The following MAST2 variants were observed in gnomAD, a reference collection of about 807,000 sequenced individuals.
MAST2 encodes microtubule-associated serine/threonine-protein kinase 2.
A neutral mutation model predicts 147.4 loss-of-function variants in MAST2; 70 were observed. The ratio of observed to expected loss-of-function variants is 0.47; its 90% CI spans 0.39 to 0.58. The LOEUF (loss-of-function observed/expected upper bound fraction) is 0.58, where lower values mean the gene tolerates loss of function less well. MAST2 is among the 20% of genes least tolerant of loss of function. The pLI is 0.00. For missense variants in MAST2, 2,080 were observed against 2,302.3 expected, an observed-to-expected ratio of 0.90 and a Z score of 1.98; for synonymous variants, 869 against 896.8, an observed-to-expected ratio of 0.97 and a Z score of 0.55.
chr1:45,888,923 C>T (rs6693336), intron 4 of MAST2, among the ~76,000 whole-genome samples: 51,555 of 151,204 alleles, frequency 0.34, 9,181 homozygotes, highest in African/African-American at 0.44. Flanking sequence ...ATCATCCATC[C>T]GCCTCGGCCT....
chr1:46,033,764 G>T, intron 26 of MAST2, 38 bp from the exon 27 acceptor site: 1 of 1,602,346 alleles, frequency 6.2e-7, no homozygotes, highest in East Asian at 2.2e-5. Flanking sequence ...CAAGAATATG[G>T]CTCCAGCTTA....
At chr1:45,817,547 A>G (rs1644493555) in intron 1 of MAST2, among the ~76,000 whole-genome samples, 1 of 152,230 alleles carries the variant, frequency 6.6e-6, no homozygotes, top group East Asian at 1.9e-4. Flanking sequence ...AATTTCATCA[A>G]CACCAGACCT....
chr1:45,926,568 C>T (rs559121744), intron 4 of MAST2, among the ~76,000 whole-genome samples: 156 of 152,256 alleles, frequency 1.0e-3, no homozygotes, highest in African/African-American at 3.4e-3. Flanking sequence ...AGGACATGGA[C>T]TGAAATGAAA....
At position 46,023,772 on chromosome 1, in the gene MAST2, G is replaced by T; in HGVS notation, c.1572G>T (p.Gly524=). The change falls in exon 15 of 29, where the codon GGG becomes GGT. Residue 524 remains glycine, a splice_region_variant and synonymous_variant. Transcript: ENST00000361297. This position sits in a 1 kb window ranked among gnomAD's most constrained non-coding sequence, Gnocchi z 4.9. ...GGATGGGCCGGACTTTGTTTCCCAG[G>T]GCTGTATTTCTGGTGCGGCACAAGT... The part of the protein sequence containing the change: ...TIKLISNGAY[G]AVFLVRHKST... 1 of 1,613,764 alleles carries T rather than the reference G, an allele frequency of 6.2e-7. No homozygotes were observed. The highest frequency in any genetic ancestry group is 1.1e-5 in the South Asian group (1 of 91,034).
chr1:45,840,400 G>T (rs1227395084), intron 3 of MAST2, among the ~76,000 whole-genome samples: 1 of 151,996 alleles, frequency 6.6e-6, no homozygotes, highest in Non-Finnish European at 1.5e-5. Flanking sequence ...TGAAATCATT[G>T]TGAATGCCTT....
In MAST2 at chr1:45,987,618, A is replaced by G. The variant is rs190148004; in HGVS notation, c.593-10106A>G. 3.9e-5 allele frequency among the ~76,000 whole-genome samples: 6 copies of G among 152,042 alleles called. No homozygotes were observed. In the East Asian group the frequency reaches 7.7e-4, roughly 20 times the overall value. On this transcript the variant is annotated intron_variant, in intron 5 of 28. Transcript: ENST00000361297. ...TTAGCCACTATGCCTGGCGTTGTGT[A>G]TGGTTTTATACATTTTCTCTCTTGT...
At position 46,034,696 on chromosome 1, in the gene MAST2, C is replaced by G; in HGVS notation, c.4027C>G (p.Leu1343Val). ...GCGCAAGTCAGCAGGCAGCATCCCA[C>G]TGTCACCACTGGCCCACACCCCTTC... ...PRRKSAGSIP[L>V]SPLAHTPSPP... The change falls in exon 29 of 29, where the codon CTG becomes GTG. Residue 1343 changes from leucine (L) to valine (V), a missense_variant. By Grantham distance (32) the Leu-to-Val change is conservative (BLOSUM62 1). Around this residue, in one of 4 missense-constraint regions of MAST2, gnomAD observed 1,278 missense variants for 1,304.2 expected, o/e 0.98. Coordinates refer to ENST00000361297, the MANE Select transcript of MAST2 (RefSeq NM_015112.3). 2.5e-6 allele frequency: 4 copies of G among 1,614,206 alleles called. No individual in the cohort carries two copies. The highest frequency in any genetic ancestry group is 3.4e-6 in the Non-Finnish European group (4 of 1,180,032).
At chr1:45,896,862 A>T (rs924087850) in intron 4 of MAST2, among the ~76,000 whole-genome samples, 1 of 152,204 alleles carries the variant, frequency 6.6e-6, no homozygotes, top group African/African-American at 2.4e-5. Context: ...ATATTGTATG[A>T]ATGTCTCCCA....
At chr1:45,825,094 C>T (rs902832777) in intron 2 of MAST2, among the ~76,000 whole-genome samples, 7 of 151,884 alleles carry the variant, frequency 4.6e-5, no homozygotes, top group East Asian at 3.9e-4. Context: ...GGTGTGATCT[C>T]GGCTCACTGC....
intron 3 of MAST2, among the ~76,000 whole-genome samples, chr1:45,859,343 G>A (rs1418677095): frequency 2.6e-5 from 4 of 152,078 alleles, no homozygotes; most frequent in African/African-American, 4.8e-5. Context: ...CAAGTGATCC[G>A]CCAGCCTTTG....
chr1:46,010,579 A>G (rs1645671999), intron 9 of MAST2, 151 bp from the exon 10 acceptor site: 1 of 634,836 alleles, frequency 1.6e-6, no homozygotes. Context: ...TGATCTATTA[A>G]TGTCTTCAGT....
chr1:46,032,663 A>G lies in MAST2; in HGVS notation c.3482A>G (p.Asn1161Ser), dbSNP rs371524281. 280 of 1,614,208 alleles carry G rather than the reference A, an allele frequency of 1.7e-4. No individual in the cohort carries two copies. Among genetic ancestry groups the G allele is most frequent in the African/African-American group, 3.6e-4 (27 of 75,052 alleles). The stretch of plus-strand genomic sequence containing the variant: ...CAAGGTGACCTCATCACCCATGTCA[A>G]TGGGGAACCTGTGCATGGCCTGGTG... ...LRQGDLITHV[N>S]GEPVHGLVHT... The change falls in exon 26 of 29, where the codon AAT becomes AGT. Residue 1161 changes from asparagine (N) to serine (S), a missense_variant. Transcript: ENST00000361297.
chr1:46,014,396 A>T (rs58888694), intron 10 of MAST2, among the ~76,000 whole-genome samples: 5 of 133,764 alleles, frequency 3.7e-5, no homozygotes, highest in East Asian at 4.6e-4. Context: ...TCATTGTTCA[A>T]TTCCCACCTA....
At chr1:45,939,666 A>C (rs1656874101) in intron 4 of MAST2, among the ~76,000 whole-genome samples, 1 of 151,854 alleles carries the variant, frequency 6.6e-6, no homozygotes, top group Admixed American at 6.6e-5. Flanking sequence ...TCAGCCTCCC[A>C]AGCAGTGGGA....
chr1:45,902,715 T>G (rs1363720526), intron 4 of MAST2, among the ~76,000 whole-genome samples: 3 of 152,068 alleles, frequency 2.0e-5, no homozygotes, highest in Admixed American at 1.3e-4. Context: ...TCTTAAGAGT[T>G]TGTGTGTTTT....
rs866910710 is a variant in MAST2, at chr1:45,812,291, A to G, written c.177+8219A>G. 3.3e-5 allele frequency among the ~76,000 whole-genome samples: 5 copies of G among 152,270 alleles called. No homozygotes were observed. In the Middle Eastern group the frequency reaches 0.014, roughly 414 times the overall value. ...TGAAATATTTAGTTTCATCAAAAGT[A>G]CTGGGAGCAGAGAGTCTATGGTGGC... On this transcript the variant is annotated intron_variant, in intron 1 of 28. Transcript: ENST00000361297.
At chr1:45,871,989 A>G (rs1490163130) in intron 3 of MAST2, among the ~76,000 whole-genome samples, 2 of 152,174 alleles carry the variant, frequency 1.3e-5, no homozygotes, top group Non-Finnish European at 2.9e-5. Flanking sequence ...GTGGCCTCCC[A>G]AAGTGTTGGG....
intron 4 of MAST2, among the ~76,000 whole-genome samples, chr1:45,922,500 G>C (rs1247742422): frequency 6.6e-6 from 1 of 152,230 alleles, no homozygotes; most frequent in Non-Finnish European, 1.5e-5. Context: ...AGTGGCAAGG[G>C]GGTTGGCATG....
At chr1:45,857,917 C>T (rs970145563) in intron 3 of MAST2, among the ~76,000 whole-genome samples, 8 of 146,780 alleles carry the variant, frequency 5.5e-5, no homozygotes, top group Admixed American at 3.4e-4. Flanking sequence ...CCAGCTTCAT[C>T]CATGTCCCTA....
Sources: gnomAD v4.1 joint callset for allele counts (sites outside exome capture counted in the v4.1 genomes callset) on GRCh38, gnomAD v4.1.1 for gene constraint, gnomAD v4.1.1 regional missense constraint, Gnocchi (gnomAD v3.1) non-coding constraint, MANE v1.5 for transcripts, NCBI Gene and HGNC (gene_info 2026-07-23, HGNC 2026-07-21) for gene names.